Variants in SORT1 observed in about 807,000 individuals in gnomAD.
The protein encoded by SORT1 is sortilin.
Under a neutral mutation model 101.7 loss-of-function variants are expected in SORT1, and 39 were observed. That is an observed-to-expected ratio of 0.38 (90% CI 0.30 to 0.50). The LOEUF (loss-of-function observed/expected upper bound fraction) is 0.50, where lower values mean the gene tolerates loss of function less well. Among genes scored for constraint, SORT1 ranks in the 20% least tolerant of loss-of-function variants. The pLI is 0.90. For missense variants in SORT1, 878 were observed against 1,040.4 expected (o/e 0.84, Z 2.15); for synonymous variants, 396 against 393.7 (o/e 1.01, Z -0.07).
intron 11 of SORT1, among the ~76,000 whole-genome samples, chr1:109,329,342 C>T (rs1343785092): frequency 1.3e-5 from 2 of 152,330 alleles, no homozygotes; most frequent in Non-Finnish European, 2.9e-5. Flanking sequence ...CAAGCTCTGC[C>T]TCCTGGGTTC....
At chr1:109,327,349 C>T (rs940905549) in intron 12 of SORT1, 150 bp downstream of exon 12, 7 of 703,552 alleles carry the variant, frequency 9.9e-6, no homozygotes, top group South Asian at 4.2e-5. Flanking sequence ...GATGAAAAAC[C>T]CAAAGTGTTG....
chr1:109,362,781 A>AC (rs1182076648), intron 3 of SORT1, among the ~76,000 whole-genome samples: 1 of 152,084 alleles, frequency 6.6e-6, no homozygotes, highest in East Asian at 1.9e-4. Context: ...CCATCATCAC[A>AC]TTTTAATATA....
rs1434326124 is a variant in SORT1 at position 109,313,020 on chromosome 1, A to C, written c.*1023T>G. The C allele has an allele frequency of 6.6e-6, 1 of 152,254 alleles. No individual in the cohort carries two copies. Among genetic ancestry groups the C allele is most frequent in the African/African-American group, 2.4e-5 (1 of 41,474 alleles). The allele number at this position is 152,254 out of a possible 1,614,324, so 9.4% of individuals were successfully genotyped here. A position where few individuals can be genotyped will look rare whatever the true frequency, so the allele number is the denominator to read the frequency against. The stretch of plus-strand genomic sequence containing the variant: ...TGGTTCCATGTACAACAGCAACCTA[A>C]GAAGCAGCAGATAGGCAGCCATTGT... On this transcript the variant is annotated 3_prime_UTR_variant, in exon 20 of 20. Transcript: ENST00000256637.
At chr1:109,370,058 C>T (rs1343195954) in intron 1 of SORT1, among the ~76,000 whole-genome samples, 1 of 152,144 alleles carries the variant, frequency 6.6e-6, no homozygotes, top group Non-Finnish European at 1.5e-5. Flanking sequence ...TCTAGTCTAG[C>T]TCACTCAAAA....
intron 3 of SORT1, among the ~76,000 whole-genome samples, chr1:109,360,020 G>A (rs1407170751): frequency 6.6e-5 from 10 of 152,116 alleles, no homozygotes; most frequent in Admixed American, 6.5e-4. Context: ...AAAGGGAAAT[G>A]GAAAAGACGA....
chr1:109,314,571 T>C, intron 18 of SORT1, 101 bp downstream of exon 18: 1 of 1,080,036 alleles, frequency 9.3e-7, no homozygotes, highest in Non-Finnish European at 1.4e-6. Context: ...GGAACAGTAC[T>C]GCAAGTACCT....
intron 1 of SORT1, among the ~76,000 whole-genome samples, chr1:109,390,217 G>A (rs1019300973): frequency 6.6e-6 from 1 of 152,172 alleles, no homozygotes; most frequent in African/African-American, 2.4e-5. Context: ...CAGTGGTCAA[G>A]CCTTCTTCCA....
intron 1 of SORT1, among the ~76,000 whole-genome samples, chr1:109,370,610 T>C (rs1651431321): frequency 6.6e-6 from 1 of 152,212 alleles, no homozygotes; most frequent in Non-Finnish European, 1.5e-5. Context: ...CCCCATTTCT[T>C]AGACAGTTTA....
At chr1:109,341,054 C>A (rs1459221097) in intron 9 of SORT1, among the ~76,000 whole-genome samples, 175 bp from the exon 10 acceptor site, 2 of 152,166 alleles carry the variant, frequency 1.3e-5, no homozygotes, top group African/African-American at 4.8e-5. Context: ...GATCTTTATG[C>A]CCATCTTTAA....
Position 109,313,749 on chromosome 1 carries a change from T to TA in SORT1, c.*293dup. On this transcript the variant is annotated 3_prime_UTR_variant, in exon 20 of 20. Transcript: ENST00000256637. Reference sequence around the variant, plus strand: ...CCTTCGAATTCCATTTCGTTTCCCTTAAAAAACAAAAACAAAAAAGCCCAT... The same window carrying TA: ...CCTTCGAATTCCATTTCGTTTCCCTTAAAAAAACAAAAACAAAAAAGCCCAT... 1 of 384,446 alleles carries TA rather than the reference T, an allele frequency of 2.6e-6. No homozygotes were observed. Among genetic ancestry groups the TA allele is most frequent in the Non-Finnish European group, 4.4e-6 (1 of 225,106 alleles). 23.8% of individuals were successfully genotyped at this position (384,446 alleles called of 1,614,324 possible).
At chr1:109,364,879 T>G (rs146149902) in intron 3 of SORT1, among the ~76,000 whole-genome samples, 26 of 152,290 alleles carry the variant, frequency 1.7e-4, no homozygotes, top group African/African-American at 6.0e-4. Flanking sequence ...GGCTCTGAGG[T>G]GGGCATTATT....
chr1:109,345,693 C>A, intron 8 of SORT1, 58 bp downstream of exon 8: 1 of 1,485,336 alleles, frequency 6.7e-7, no homozygotes, highest in Non-Finnish European at 9.2e-7. Flanking sequence ...TAAAGAGAAT[C>A]TATACGAGAG....
Position 109,340,706 on chromosome 1 carries a change from T to G in SORT1, c.1264+18A>C. Reference sequence around the variant, plus strand: ...TGCAGCTGAAGGCACAGTACACCACTGCGATGCCGAGACTCACCTTCGGAG... The same window carrying G: ...TGCAGCTGAAGGCACAGTACACCACGGCGATGCCGAGACTCACCTTCGGAG... On this transcript the variant is annotated intron_variant, in intron 10 of 19. Transcript: ENST00000256637. 1 of 1,613,786 alleles carries G rather than the reference T, an allele frequency of 6.2e-7. No homozygotes were observed. The highest frequency in any genetic ancestry group is 8.5e-7 in the Non-Finnish European group (1 of 1,179,834).
intron 8 of SORT1, among the ~76,000 whole-genome samples, chr1:109,342,775 G>A (rs922275849): frequency 4.6e-5 from 7 of 152,076 alleles, no homozygotes; most frequent in African/African-American, 7.2e-5. Flanking sequence ...ACTGATTAGG[G>A]AGTATTTGGC....
chr1:109,340,687 T>C (rs1177052054), intron 10 of SORT1, 37 bp downstream of exon 10: 2 of 1,610,790 alleles, frequency 1.2e-6, no homozygotes, highest in South Asian at 2.2e-5. Flanking sequence ...CACATGCAGC[T>C]GAAGGCACAG....
chr1:109,382,270 A>T (rs1434093803), intron 1 of SORT1, among the ~76,000 whole-genome samples: 2 of 152,018 alleles, frequency 1.3e-5, no homozygotes, highest in African/African-American at 4.8e-5. Context: ...CCAGTAGCTA[A>T]GATTACAGGT....
At chr1:109,371,771 T>C (rs557337850) in intron 1 of SORT1, among the ~76,000 whole-genome samples, 10 of 152,320 alleles carry the variant, frequency 6.6e-5, no homozygotes, top group African/African-American at 1.7e-4. Flanking sequence ...TTTGGAAATG[T>C]AGGCCAGATT....
intron 3 of SORT1, among the ~76,000 whole-genome samples, chr1:109,358,069 T>C (rs927357453): frequency 6.6e-6 from 1 of 152,188 alleles, no homozygotes; most frequent in African/African-American, 2.4e-5. Flanking sequence ...GCTTGCTTTT[T>C]AAGAACTTGG....
intron 3 of SORT1, among the ~76,000 whole-genome samples, chr1:109,362,250 A>G (rs1009408717): frequency 2.6e-5 from 4 of 152,236 alleles, no homozygotes; most frequent in African/African-American, 9.6e-5. Context: ...TGCTGTGACC[A>G]GAAGTTTGCA....
Sources: allele counts gnomAD v4.1 joint callset (sites outside exome capture counted in the v4.1 genomes callset), GRCh38; gene constraint gnomAD v4.1.1; transcripts MANE v1.5; gene names NCBI Gene and HGNC (gene_info 2026-07-23, HGNC 2026-07-21).